The following STK3 variants were observed in gnomAD, a reference collection of about 807,000 sequenced individuals.
STK3 encodes serine/threonine-protein kinase 3.
In STK3, 41 loss-of-function variants were observed where a neutral mutation model predicts 58.0. That is an observed-to-expected ratio of 0.71 (90% CI 0.55 to 0.92). The LOEUF (loss-of-function observed/expected upper bound fraction) is 0.92. STK3 is among the 40% of genes least tolerant of loss of function. STK3 has a pLI of 0.00. For synonymous variants in STK3, 170 were observed against 191.0 expected, an observed-to-expected ratio of 0.89 and a Z score of 0.91; for missense variants, 479 against 602.7, an observed-to-expected ratio of 0.79 and a Z score of 2.15.
the STK3 span, among the ~76,000 whole-genome samples, chr8:98,353,720 G>A: frequency 6.6e-6 from 1 of 152,148 alleles, no homozygotes; most frequent in Non-Finnish European, 1.5e-5. Context: ...ACTGATAAAT[G>A]AAAATTAGGA....
intron 7 of STK3, among the ~76,000 whole-genome samples, chr8:98,586,425 C>A (rs1415503454): frequency 4.6e-5 from 7 of 150,562 alleles, no homozygotes; most frequent in Non-Finnish European, 1.0e-4. Context: ...ATTGAACCAG[C>A]CTTGCATCCC....
chr8:98,718,187 A>T (rs191012066), intron 4 of STK3, among the ~76,000 whole-genome samples: 29 of 152,340 alleles, frequency 1.9e-4, no homozygotes, highest in Non-Finnish European at 3.7e-4. Flanking sequence ...TGCACACTTA[A>T]AAATGGCTAA....
Position 98,548,131 on chromosome 8 carries a change from C to T in STK3, c.979G>A (p.Val327Met). Residue 327 changes from valine (V) to methionine (M), a missense_variant, in exon 9 of 11, where the codon GTG becomes ATG. Val to Met is a conservative substitution (Grantham distance 21, BLOSUM62 1). Transcript: ENST00000419617. ...CCCACACTCTCCACACTAGTCTTCA[C>T]CATGGTGTGGGAATCCAGCTCATCT... is the stretch of plus-strand genomic sequence containing the variant. Reference protein sequence around the residue: ...DEDELDSHTMVKTSVESVGTM... With the variant: ...DEDELDSHTMMKTSVESVGTM... The T allele has an allele frequency of 6.3e-7, 1 of 1,579,156 alleles. No individual in the cohort carries two copies. Among genetic ancestry groups the T allele is most frequent in the Non-Finnish European group, 8.6e-7 (1 of 1,164,738 alleles).
intron 6 of STK3, among the ~76,000 whole-genome samples, chr8:98,642,276 T>C (rs1820081561): frequency 6.6e-6 from 1 of 152,102 alleles, no homozygotes; most frequent in South Asian, 2.1e-4. Flanking sequence ...AATGTATTTA[T>C]TGGCACTGAG....
intron 6 of STK3, among the ~76,000 whole-genome samples, chr8:98,664,672 T>C (rs143852186): frequency 7.4e-4 from 113 of 152,250 alleles, no homozygotes; most frequent in African/African-American, 2.6e-3. Flanking sequence ...ATGCTTTCCA[T>C]ATTAACTGAA....
intron 2 of STK3, 76 bp from the exon 3 acceptor site, chr8:98,767,447 C>T: frequency 3.0e-6 from 4 of 1,343,486 alleles, no homozygotes; most frequent in Non-Finnish European, 4.0e-6. Context: ...TATGAGTTTT[C>T]TGTGGATAGT....
intron 7 of STK3, among the ~76,000 whole-genome samples, chr8:98,583,845 A>ATGTGTGTGTGTGTGTGTG (rs529496460): frequency 5.5e-5 from 8 of 144,666 alleles, no homozygotes; most frequent in African/African-American, 2.0e-4. Flanking sequence ...GAGAGAGTGT[A>ATGTGTGTGTGTGTGTGTG]TGTGTGTGTG....
chr8:98,789,178 A>G (rs1281659388), intron 1 of STK3, among the ~76,000 whole-genome samples: 2 of 152,252 alleles, frequency 1.3e-5, no homozygotes, highest in Non-Finnish European at 2.9e-5. Context: ...TCAAAAATGA[A>G]ATCAAGATGG....
intron 3 of STK3, among the ~76,000 whole-genome samples, chr8:98,872,328 G>C (rs1014014050): frequency 6.6e-6 from 1 of 152,084 alleles, no homozygotes; most frequent in Non-Finnish European, 1.5e-5. Context: ...TCTCTGCCAG[G>C]CTTTGGTATC....
intron 6 of STK3, among the ~76,000 whole-genome samples, chr8:98,637,055 ATTTTTT>A (rs199727972): frequency 1.0e-4 from 14 of 140,164 alleles, no homozygotes; most frequent in Admixed American, 9.4e-4. Context: ...CATTTGTAAG[ATTTTTT>A]TTTTTTTTTT....
intron 1 of STK3, among the ~76,000 whole-genome samples, chr8:98,927,334 T>C (rs151149340): frequency 1.9e-3 from 294 of 152,344 alleles, no homozygotes; most frequent in Non-Finnish European, 3.4e-3. Flanking sequence ...TGATTCATTG[T>C]GGTTTGGGCA....
chr8:98,892,958 A>G (rs978749100), intron 1 of STK3, among the ~76,000 whole-genome samples: 3 of 152,208 alleles, frequency 2.0e-5, no homozygotes, highest in Non-Finnish European at 4.4e-5. Flanking sequence ...ACGGTTAATG[A>G]AATAAAGGCA....
At chr8:98,426,617 T>C (rs75626948) in intron 3 of STK3, among the ~76,000 whole-genome samples, 9,842 of 152,166 alleles carry the variant, frequency 0.065, 448 homozygotes, top group Non-Finnish European at 0.096. Flanking sequence ...TCGGGAAACT[T>C]TTCTTCAGGT....
intron 8 of STK3, among the ~76,000 whole-genome samples, chr8:98,569,896 C>T (rs898723220): frequency 2.7e-5 from 4 of 147,606 alleles, no homozygotes; most frequent in African/African-American, 9.9e-5. Context: ...TACTGGTTTT[C>T]CTCAAAAAAA....
At chr8:98,345,934 T>C in the STK3 span, among the ~76,000 whole-genome samples, 1 of 152,006 alleles carries the variant, frequency 6.6e-6, no homozygotes, top group African/African-American at 2.4e-5. Context: ...GACTTGAAGA[T>C]CGAGGTATAG....
At chr8:98,822,612 G>A (rs1303334344) in intron 1 of STK3, among the ~76,000 whole-genome samples, 2 of 152,202 alleles carry the variant, frequency 1.3e-5, no homozygotes, top group Admixed American at 6.5e-5. Context: ...ACTTGATGAG[G>A]TAGGCTTTGA....
intron 10 of STK3, among the ~76,000 whole-genome samples, chr8:98,525,160 A>G (rs1323941231): frequency 6.6e-6 from 1 of 152,204 alleles, no homozygotes; most frequent in Non-Finnish European, 1.5e-5. Flanking sequence ...TAAGTGAAAC[A>G]ACTCAGAAAC....
At chr8:98,384,885 G>A (rs889257237) in intron 1 of STK3, among the ~76,000 whole-genome samples, 16 of 152,000 alleles carry the variant, frequency 1.1e-4, no homozygotes, top group African/African-American at 3.1e-4. Flanking sequence ...CTCTCATCAC[G>A]TCATACCTGG....
chr8:98,501,267 T>C (rs115875848), intron 10 of STK3, among the ~76,000 whole-genome samples: 1 of 152,070 alleles, frequency 6.6e-6, no homozygotes, highest in Non-Finnish European at 1.5e-5. Context: ...TTTTTTCTTG[T>C]CAATTTGTTT....
Sources: gnomAD v4.1 joint callset for allele counts (sites outside exome capture counted in the v4.1 genomes callset) on GRCh38, gnomAD v4.1.1 for gene constraint, MANE v1.5 for transcripts, NCBI Gene and HGNC (gene_info 2026-07-23, HGNC 2026-07-21) for gene names.